The following GAK variants were observed in gnomAD, a reference collection of about 807,000 sequenced individuals.
The protein encoded by GAK is cyclin-G-associated kinase.
Under a neutral mutation model 143.9 loss-of-function variants are expected in GAK, and 79 were observed. The observed-to-expected ratio is 0.55, with a 90% CI of 0.46 to 0.66. GAK has a LOEUF of 0.66. GAK is among the 30% of genes least tolerant of loss of function. The probability of loss-of-function intolerance (pLI) is 0.00; values close to 1 mark genes in which losing one functional copy is unlikely to be tolerated. For synonymous variants in GAK, 881 were observed against 765.5 expected (o/e 1.15, Z -2.49); for missense variants, 1,693 against 1,779.7 (o/e 0.95, Z 0.88).
intron 5 of GAK, among the ~76,000 whole-genome samples, chr4:904,243 CGGCTCCT>C (rs1720626034): frequency 1.4e-5 from 2 of 143,372 alleles, no homozygotes; most frequent in African/African-American, 2.7e-5. Flanking sequence ...GGATGATGGG[CGGCTCCT>C]AACCGAGCGG....
intron 14 of GAK, 98 bp from the exon 15 acceptor site, chr4:882,138 A>G: frequency 7.7e-7 from 1 of 1,299,690 alleles, no homozygotes; most frequent in East Asian, 2.5e-5. Flanking sequence ...GGCTGCAGGG[A>G]CGCAGGGCTG....
At chr4:911,471 G>A (rs1380096157) in intron 4 of GAK, among the ~76,000 whole-genome samples, 1 of 152,072 alleles carries the variant, frequency 6.6e-6, no homozygotes, top group Admixed American at 6.5e-5. Context: ...GTGGCCCACC[G>A]GGACAGTGGG....
At chr4:874,153 G>GT (rs5855682) in intron 18 of GAK, among the ~76,000 whole-genome samples, 5,293 of 152,100 alleles carry the variant, frequency 0.035, 187 homozygotes, top group East Asian at 0.19. Flanking sequence ...GTGCTTGTGT[G>GT]TGTGTACATG....
chr4:863,613 C>T (rs1388459885), intron 23 of GAK, among the ~76,000 whole-genome samples: 2 of 152,246 alleles, frequency 1.3e-5, no homozygotes, highest in African/African-American at 4.8e-5. Context: ...CAGCAGCCAT[C>T]CACATTGAGG....
At chr4:884,174 G>A (rs1715767890) in intron 11 of GAK, 88 bp from the exon 12 acceptor site, 12 of 1,166,044 alleles carry the variant, frequency 1.0e-5, no homozygotes, top group Non-Finnish European at 1.5e-5. Context: ...GAGGCCTGGA[G>A]AAGCCGTGGG....
rs746845783 is a variant in GAK, at chr4:849,682, G to A, written c.3927C>T (p.Pro1309=). The change falls in exon 28 of 28, where the codon CCC becomes CCT. Residue 1309 remains proline (P), a synonymous_variant. Transcript: ENST00000314167. ...CACCACCACTGCGGCCTCAGAAGAG[G>A]GGCCGGGAGCCCTGGTTCTCAAACT... ...WSEFENQGSR[P]LF is the part of the protein sequence containing the mutation. 1.2e-6 allele frequency: 2 copies of A among 1,611,770 alleles called. No individual in the cohort carries two copies. Among genetic ancestry groups the A allele is most frequent in the Non-Finnish European group, 1.7e-6 (2 of 1,178,622 alleles).
At chr4:925,491 AACAG>A (rs1439715322) in intron 1 of GAK, among the ~76,000 whole-genome samples, 2 of 152,338 alleles carry the variant, frequency 1.3e-5, no homozygotes, top group African/African-American at 2.4e-5. Flanking sequence ...TCTTTTAAGA[AACAG>A]ACACTTTTCT....
chr4:925,665 T>C (rs187927014), intron 1 of GAK, among the ~76,000 whole-genome samples: 104 of 152,224 alleles, frequency 6.8e-4, no homozygotes, highest in African/African-American at 2.4e-3. Context: ...GCCATGAAGG[T>C]GGAGCCCTCA....
intron 1 of GAK, among the ~76,000 whole-genome samples, chr4:931,591 C>G (rs996032709): frequency 1.3e-5 from 2 of 152,160 alleles, no homozygotes; most frequent in African/African-American, 2.4e-5. Context: ...AAACCCACCT[C>G]CTGCACCGCT....
chr4:881,491 G>A (rs1042232457), intron 15 of GAK, among the ~76,000 whole-genome samples: 6 of 152,100 alleles, frequency 3.9e-5, no homozygotes, highest in South Asian at 2.1e-4. Flanking sequence ...GAGGTGGAGC[G>A]GCACAGAAGC....
chr4:891,942 C>T (rs1717755269), intron 9 of GAK, among the ~76,000 whole-genome samples: 4 of 152,188 alleles, frequency 2.6e-5, no homozygotes, highest in Admixed American at 2.6e-4. Context: ...GCTTCCAGCA[C>T]CCAGCACCAG....
intron 23 of GAK, among the ~76,000 whole-genome samples, chr4:860,243 G>C (rs1055569086): frequency 1.4e-5 from 2 of 143,840 alleles, no homozygotes; most frequent in African/African-American, 5.0e-5. Flanking sequence ...AGCTACCCAG[G>C]GGGGCTGCGG....
intron 7 of GAK, among the ~76,000 whole-genome samples, chr4:895,574 G>A (rs1481617637): frequency 1.3e-5 from 2 of 152,284 alleles, no homozygotes; most frequent in Non-Finnish European, 2.9e-5. Flanking sequence ...CCCATGTGCT[G>A]TGGCTGATGG....
chr4:900,111 G>A (rs1487907189), intron 5 of GAK, among the ~76,000 whole-genome samples: 2 of 152,384 alleles, frequency 1.3e-5, no homozygotes, highest in Admixed American at 1.3e-4. Flanking sequence ...AGGCCCAGGA[G>A]TGCCCATCCC....
intron 1 of GAK, among the ~76,000 whole-genome samples, chr4:930,855 G>A (rs1725580197): frequency 2.0e-5 from 3 of 152,130 alleles, no homozygotes; most frequent in Admixed American, 2.0e-4. Context: ...TGTCTCCGCA[G>A]GCCTTTTGTG....
Position 867,565 on chromosome 4 carries a change from C to T in GAK, c.2396-133G>A, listed in dbSNP as rs1489095902. ...CACGTGGCCAGCACCAGGGTCCCCA[C>T]GGCGCGTCCCTTCAGGGCCTCCTCG... On this transcript the variant is annotated intron_variant, in intron 20 of 27. Coordinates refer to ENST00000314167, the MANE Select transcript of GAK (RefSeq NM_005255.4). 5.9e-5 allele frequency: 21 copies of T among 355,572 alleles called. 3 individuals carry two copies. The highest frequency in any genetic ancestry group is 2.0e-4 in the South Asian group (5 of 24,992). 22.0% of individuals were successfully genotyped at this position (355,572 alleles called of 1,614,324 possible).
chr4:901,334 C>T (rs1378838051), intron 5 of GAK, among the ~76,000 whole-genome samples: 5 of 151,250 alleles, frequency 3.3e-5, no homozygotes, highest in South Asian at 4.2e-4. Context: ...GCCTTGGATC[C>T]CCCACCCAGG....
At chr4:850,195 G>T in intron 26 of GAK, 127 bp from the exon 27 acceptor site, 1 of 897,614 alleles carries the variant, frequency 1.1e-6, no homozygotes, top group Non-Finnish European at 1.7e-6. Flanking sequence ...CCGGCTCACA[G>T]ACACTGTCCC....
chr4:920,239 C>T (rs1332369222), intron 1 of GAK, among the ~76,000 whole-genome samples: 3 of 149,636 alleles, frequency 2.0e-5, no homozygotes, highest in African/African-American at 7.4e-5. Context: ...ACCCGGGAGG[C>T]GGAGGTTGCA....
Sources: allele counts gnomAD v4.1 joint callset (sites outside exome capture counted in the v4.1 genomes callset), GRCh38; gene constraint gnomAD v4.1.1; transcripts MANE v1.5; gene names NCBI Gene and HGNC (gene_info 2026-07-23, HGNC 2026-07-21).